The following SLC13A3 variants were observed in gnomAD, a reference collection of about 807,000 sequenced individuals.
SLC13A3 encodes the protein solute carrier family 13 member 3.
In SLC13A3, 40 loss-of-function variants were observed where a neutral mutation model predicts 59.0. That is an observed-to-expected ratio of 0.68 (90% CI 0.53 to 0.88). SLC13A3 has a LOEUF of 0.88. Ranked by LOEUF, SLC13A3 falls within the 40% of genes least tolerant of loss-of-function variation. The pLI, the probability that SLC13A3 is intolerant of heterozygous loss-of-function variation, is 0.00. For missense variants in SLC13A3, 699 were observed against 783.2 expected, an observed-to-expected ratio of 0.89 and a Z score of 1.28; for synonymous variants, 317 against 330.3, an observed-to-expected ratio of 0.96 and a Z score of 0.44.
At chr20:46,656,980 C>T (rs2122903360) in intron 1 of SLC13A3, among the ~76,000 whole-genome samples, 1 of 152,212 alleles carries the variant, frequency 6.6e-6, no homozygotes, top group African/African-American at 2.4e-5. Flanking sequence ...TTTGCTAAGT[C>T]TTCTGTTTCT....
chr20:46,612,912 A>G (rs1160011364), intron 2 of SLC13A3, among the ~76,000 whole-genome samples: 1 of 151,846 alleles, frequency 6.6e-6, no homozygotes, highest in Non-Finnish European at 1.5e-5. Flanking sequence ...TTCAACTCCC[A>G]CCTGATCTTC....
At chr20:46,568,842 G>C (rs141140319) in intron 10 of SLC13A3, among the ~76,000 whole-genome samples, 4,666 of 152,346 alleles carry the variant, frequency 0.031, 86 homozygotes, top group South Asian at 0.058. Context: ...CGGGCTTCCA[G>C]CCAGCATCCT....
At chr20:46,638,427 G>C (rs1482590502) in intron 1 of SLC13A3, among the ~76,000 whole-genome samples, 1 of 152,246 alleles carries the variant, frequency 6.6e-6, no homozygotes, top group African/African-American at 2.4e-5. Context: ...GAGAAGCGGG[G>C]CCGTGGGCGG....
At chr20:46,638,535 C>G (rs1050765583) in intron 1 of SLC13A3, among the ~76,000 whole-genome samples, 1 of 152,232 alleles carries the variant, frequency 6.6e-6, no homozygotes, top group Non-Finnish European at 1.5e-5. Flanking sequence ...TCCAGTGAAG[C>G]CTGGAGCTGG....
intron 4 of SLC13A3, among the ~76,000 whole-genome samples, chr20:46,598,864 C>T (rs1472552161): frequency 6.6e-6 from 1 of 152,072 alleles, no homozygotes; most frequent in Non-Finnish European, 1.5e-5. Flanking sequence ...TCGGCTCCAG[C>T]CACACTGGCT....
chr20:46,603,248 G>C (rs888940113), intron 3 of SLC13A3, among the ~76,000 whole-genome samples: 1 of 151,932 alleles, frequency 6.6e-6, no homozygotes, highest in Non-Finnish European at 1.5e-5. Context: ...AAGCCAGATA[G>C]TAAACATTTT....
At chr20:46,601,211 T>G (rs2062377593) in intron 3 of SLC13A3, among the ~76,000 whole-genome samples, 1 of 152,076 alleles carries the variant, frequency 6.6e-6, no homozygotes, top group African/African-American at 2.4e-5. Flanking sequence ...GACGATATGA[T>G]TTACATTTTA....
intron 1 of SLC13A3, among the ~76,000 whole-genome samples, chr20:46,669,184 T>C (rs1415581600): frequency 6.6e-6 from 1 of 152,206 alleles, no homozygotes; most frequent in Non-Finnish European, 1.5e-5. Flanking sequence ...AAGAAGTTAT[T>C]ATATGTGTTG....
chr20:46,646,750 T>G (rs1014173886), intron 1 of SLC13A3, among the ~76,000 whole-genome samples: 3 of 152,138 alleles, frequency 2.0e-5, no homozygotes, highest in Admixed American at 6.5e-5. Flanking sequence ...AACTAAGAAT[T>G]TATAGTACAG....
intron 1 of SLC13A3, among the ~76,000 whole-genome samples, chr20:46,637,477 C>T (rs756296036): frequency 4.6e-5 from 7 of 152,090 alleles, no homozygotes; most frequent in Admixed American, 4.6e-4. Context: ...TCAGAGAACC[C>T]AAGAACCCAC....
chr20:46,567,562 T>C (rs1247388708), intron 10 of SLC13A3, among the ~76,000 whole-genome samples: 2 of 152,122 alleles, frequency 1.3e-5, no homozygotes, highest in Admixed American at 6.5e-5. Flanking sequence ...TCACCTTGTC[T>C]GTAAATTAAG....
chr20:46,624,094 C>A (rs1343798582), intron 1 of SLC13A3, among the ~76,000 whole-genome samples: 1 of 152,180 alleles, frequency 6.6e-6, no homozygotes, highest in Non-Finnish European at 1.5e-5. Context: ...CCCTCCATGA[C>A]TCCCCATCTC....
chr20:46,565,945 A>G (rs947775205), intron 11 of SLC13A3, among the ~76,000 whole-genome samples: 2 of 152,126 alleles, frequency 1.3e-5, no homozygotes, highest in Non-Finnish European at 2.9e-5. Flanking sequence ...TCTTCATCCA[A>G]AATTGGTAAT....
chr20:46,660,408 C>A (rs2122910566), intron 1 of SLC13A3, among the ~76,000 whole-genome samples: 1 of 152,258 alleles, frequency 6.6e-6, no homozygotes, highest in South Asian at 2.1e-4. Flanking sequence ...AGATCTCATT[C>A]CATTGTGTTC....
chr20:46,582,327 C>G (rs962916117), intron 9 of SLC13A3, among the ~76,000 whole-genome samples: 1 of 151,866 alleles, frequency 6.6e-6, no homozygotes, highest in African/African-American at 2.4e-5. Flanking sequence ...TGGGGTTTCT[C>G]CATGTTGCCA....
intron 1 of SLC13A3, among the ~76,000 whole-genome samples, chr20:46,646,825 T>C (rs562975558): frequency 3.9e-5 from 6 of 152,324 alleles, no homozygotes; most frequent in Admixed American, 6.5e-5. Flanking sequence ...TATGGCTGTG[T>C]TATAAATGAA....
At chr20:46,647,672 G>C (rs1276468525) in intron 1 of SLC13A3, among the ~76,000 whole-genome samples, 1 of 152,116 alleles carries the variant, frequency 6.6e-6, no homozygotes, top group Non-Finnish European at 1.5e-5. Flanking sequence ...TGTAAGAATT[G>C]TTCCTTCCAG....
intron 9 of SLC13A3, among the ~76,000 whole-genome samples, chr20:46,578,414 G>A (rs2062100238): frequency 6.6e-6 from 1 of 151,874 alleles, no homozygotes; most frequent in Non-Finnish European, 1.5e-5. Flanking sequence ...GGTGGTTCAC[G>A]CCTGTAATTC....
At chr20:46,611,659 T>C (rs960107956) in intron 2 of SLC13A3, among the ~76,000 whole-genome samples, 10 of 152,218 alleles carry the variant, frequency 6.6e-5, no homozygotes, top group Non-Finnish European at 1.3e-4. Flanking sequence ...TCTGTTCATC[T>C]CCACTGCCAC....
Sources: allele counts gnomAD v4.1 joint callset (sites outside exome capture counted in the v4.1 genomes callset), GRCh38; gene constraint gnomAD v4.1.1; transcripts MANE v1.5; gene names NCBI Gene and HGNC (gene_info 2026-07-23, HGNC 2026-07-21).